The following DOP1B variants were observed in gnomAD, a reference collection of about 807,000 sequenced individuals.
DOP1B encodes protein DOP1B.
In DOP1B, 174 loss-of-function variants were observed where a neutral mutation model predicts 233.5. That is an observed-to-expected ratio of 0.75 (90% CI 0.66 to 0.85). DOP1B has a LOEUF of 0.85. Ranked by LOEUF, DOP1B falls within the 40% of genes least tolerant of loss-of-function variation. DOP1B has a pLI of 0.00. For missense variants in DOP1B, 2,652 were observed against 2,846.6 expected (o/e 0.93, Z 1.56); for synonymous variants, 1,190 against 1,185.6 (o/e 1.00, Z -0.08).
chr21:36,253,258 A>G (rs895448508), intron 22 of DOP1B, among the ~76,000 whole-genome samples: 1 of 152,122 alleles, frequency 6.6e-6, no homozygotes, highest in Non-Finnish European at 1.5e-5. Flanking sequence ...GTTTCCTTCA[A>G]ATTTAGTATA....
At chr21:36,205,760 C>A (rs1357987773) in intron 4 of DOP1B, among the ~76,000 whole-genome samples, 2 of 148,680 alleles carry the variant, frequency 1.3e-5, no homozygotes, top group Non-Finnish European at 3.0e-5. Context: ...AATTCCAGCA[C>A]TTTGGGAGGC....
chr21:36,205,432 A>G (rs903484121), intron 4 of DOP1B, among the ~76,000 whole-genome samples: 1 of 151,966 alleles, frequency 6.6e-6, no homozygotes, highest in African/African-American at 2.4e-5. Flanking sequence ...TCTGTTGCCC[A>G]GGCTGGAGTG....
rs368522256 is a variant in DOP1B, at chr21:36,231,153, G to A, written c.2350+19G>A. 162 of 1,557,954 alleles carry A rather than the reference G, an allele frequency of 1.0e-4. No individual in the cohort carries two copies. The highest frequency in any genetic ancestry group is 5.2e-4 in the South Asian group (43 of 82,996). On this transcript the variant is annotated intron_variant, in intron 14 of 36. Transcript: ENST00000691173. ...CTGCCAGGTGAGAGGCAGCCCTGCC[G>A]AAGTCCCTCTTTGGGAATCATACGA...
chr21:36,172,389 A>G (rs2835294), intron 2 of DOP1B, among the ~76,000 whole-genome samples: 6,596 of 152,296 alleles, frequency 0.043, 193 homozygotes, highest in Non-Finnish European at 0.064. Flanking sequence ...GCACATCTTG[A>G]TCAGCATCAG....
chr21:36,202,617 A>G (rs2066381613), intron 4 of DOP1B, among the ~76,000 whole-genome samples: 1 of 152,236 alleles, frequency 6.6e-6, no homozygotes, highest in Admixed American at 6.5e-5. Flanking sequence ...CGTGAGCTCT[A>G]TATCAGGACT....
intron 5 of DOP1B, 92 bp downstream of exon 5, chr21:36,208,996 A>G (rs1413143997): frequency 1.5e-6 from 2 of 1,331,392 alleles, no homozygotes; most frequent in Non-Finnish European, 2.0e-6. Flanking sequence ...CTGCAAAGGG[A>G]CATCCAGGAA....
rs1288864117 is a variant in DOP1B at position 36,169,000 on chromosome 21, T to C, written c.138+4129T>C. ...CTCCTTCTTCCTTTGCAATTCGGTCTTTCTCGAGTGGTCCCATGAATGCTT... is the reference window on the plus strand; with the variant it reads ...CTCCTTCTTCCTTTGCAATTCGGTCCTTCTCGAGTGGTCCCATGAATGCTT... On this transcript the variant is annotated intron_variant, in intron 2 of 36. Transcript: ENST00000691173. The C allele has an allele frequency of 5.2e-6, 4 of 768,954 alleles. No individual in the cohort carries two copies. In the East Asian group the frequency reaches 9.9e-5, roughly 19 times the overall value. 47.6% of individuals were successfully genotyped at this position (768,954 alleles called of 1,614,324 possible). A position where few individuals can be genotyped will look rare whatever the true frequency, so the allele number is the denominator to read the frequency against.
chr21:36,245,302 G>C lies in DOP1B; in HGVS notation c.3322G>C (p.Glu1108Gln), dbSNP rs376109953. 30 of 1,613,964 alleles carry C rather than the reference G, an allele frequency of 1.9e-5. No individual in the cohort carries two copies. Among genetic ancestry groups the C allele is most frequent in the African/African-American group, 5.3e-5 (4 of 74,930 alleles). ...GGCCCACGGCGCCCCGGACAGCAGC[G>C]AGCACACCGAGTCTGCAGATACAAG... ...RTAHGAPDSS[E>Q]HTESADTSSC... Residue 1108 changes from glutamate (E) to glutamine (Q), a missense_variant, in exon 19 of 37, where the codon GAG becomes CAG. Transcript: ENST00000691173. This position sits in a 1 kb window ranked among gnomAD's most constrained non-coding sequence, Gnocchi z 5.5.
intron 2 of DOP1B, among the ~76,000 whole-genome samples, chr21:36,172,007 TAGAC>T (rs1437101933): frequency 6.6e-6 from 1 of 152,154 alleles, no homozygotes; most frequent in Non-Finnish European, 1.5e-5. Flanking sequence ...AGTGCTATTT[TAGAC>T]AGAGAGGACA....
chr21:36,221,893 G>A (rs530675523), intron 10 of DOP1B, among the ~76,000 whole-genome samples: 7 of 152,206 alleles, frequency 4.6e-5, no homozygotes, highest in African/African-American at 1.7e-4. Context: ...TTGTTTTTGA[G>A]ACGGAGTCTC....
intron 23 of DOP1B, among the ~76,000 whole-genome samples, chr21:36,259,723 G>A (rs2067147774): frequency 6.6e-6 from 1 of 152,138 alleles, no homozygotes. Context: ...GAGCGAGTGT[G>A]TTTAGGTTGT....
Position 36,230,910 on chromosome 21 carries a change from C to T in DOP1B, c.2126C>T (p.Thr709Ile), listed in dbSNP as rs558674662. ...ACAGCACGAGGGTCTCCATTCAAGACAAAAAGTTCAGAGTCACCATCGTCT... is the reference window on the plus strand; with the variant it reads ...ACAGCACGAGGGTCTCCATTCAAGATAAAAAGTTCAGAGTCACCATCGTCT... ...LFTARGSPFK[T>I]KSSESPSSSP... The change falls in exon 14 of 37, where the codon ACA (threonine) becomes ATA (isoleucine). Residue 709 changes from threonine (T) to isoleucine (I), a missense_variant. By Grantham distance (89) the Thr-to-Ile change is moderately conservative. This residue lies in a region of DOP1B where 2,617 missense variants were observed against 2,794.3 expected (regional missense o/e 0.94). Transcript: ENST00000691173. The T allele has an allele frequency of 6.2e-7, 1 of 1,614,152 alleles. No homozygotes were observed. Among genetic ancestry groups the T allele is most frequent in the East Asian group, 2.2e-5 (1 of 44,882 alleles).
Position 36,246,339 on chromosome 21 carries a change from C to T in DOP1B, c.4359C>T (p.His1453=), listed in dbSNP as rs1409357644. The change falls in exon 19 of 37, where the codon CAC becomes CAT. Residue 1453 remains histidine, a synonymous_variant. Coordinates refer to ENST00000691173, the MANE Select transcript of DOP1B (RefSeq NM_001320714.2). This position sits in a 1 kb window ranked among gnomAD's most constrained non-coding sequence, Gnocchi z 5.1. ...KLLQVLIVLE[H]HLGRAHEEAE... is the part of the protein sequence containing the mutation. ...TGCAGGTGCTGATTGTCTTGGAACACCACCTGGGTCGGGCCCATGAGGAGG... is the reference window on the plus strand; with the variant it reads ...TGCAGGTGCTGATTGTCTTGGAACATCACCTGGGTCGGGCCCATGAGGAGG... 2 of 1,613,768 alleles carry T rather than the reference C, an allele frequency of 1.2e-6. No individual in the cohort carries two copies. Among genetic ancestry groups the T allele is most frequent in the African/African-American group, 1.3e-5 (1 of 74,938 alleles).
chr21:36,271,293 GT>G (rs2067285733), intron 27 of DOP1B, among the ~76,000 whole-genome samples: 1 of 130,496 alleles, frequency 7.7e-6, no homozygotes, highest in Admixed American at 7.1e-5. Context: ...CCAGGTTGGA[GT>G]TCACCCAGGT....
At chr21:36,288,294 G>C (rs185485616) in intron 33 of DOP1B, 144 bp downstream of exon 33, 2 of 753,144 alleles carry the variant, frequency 2.7e-6, no homozygotes, top group Middle Eastern at 3.9e-4. Context: ...TTAGCTCTTG[G>C]TTAAACAGAG....
At chr21:36,262,866 G>A (rs747013249) in intron 24 of DOP1B, among the ~76,000 whole-genome samples, 9 of 151,680 alleles carry the variant, frequency 5.9e-5, no homozygotes, top group Non-Finnish European at 1.3e-4. Context: ...ACTCCAGCCT[G>A]GGTGACAGAG....
At chr21:36,199,442 CTTTT>C (rs771744180) in intron 3 of DOP1B, among the ~76,000 whole-genome samples, 191 bp downstream of exon 3, 19 of 145,274 alleles carry the variant, frequency 1.3e-4, no homozygotes, top group Admixed American at 2.0e-4. Flanking sequence ...TGCTTTCTTT[CTTTT>C]TTTTTTTAAA....
intron 2 of DOP1B, among the ~76,000 whole-genome samples, chr21:36,195,061 C>G (rs913397498): frequency 6.6e-6 from 1 of 152,058 alleles, no homozygotes; most frequent in Admixed American, 6.6e-5. Context: ...ACCAAAGATG[C>G]TGGGCATGAT....
At position 36,231,080 on chromosome 21, in the gene DOP1B, T is replaced by C; in HGVS notation, c.2296T>C (p.Tyr766His). ...GCTGGATTGTGCCACTTTCCCTGTC[T>C]ACCTGTCCGAGGAAGAGACCGAGCA... Reference protein sequence around the residue: ...LLLDCATFPVYLSEEETEQLC... With the variant: ...LLLDCATFPVHLSEEETEQLC... The change falls in exon 14 of 37, where the codon TAC (tyrosine) becomes CAC (histidine). Residue 766 changes from tyrosine to histidine, a missense_variant. Physicochemically the swap from Tyr to His is moderately conservative, Grantham distance 83 (BLOSUM62 2). This residue lies in a region of DOP1B where 2,617 missense variants were observed against 2,794.3 expected (regional missense o/e 0.94). Transcript: ENST00000691173. The C allele has an allele frequency of 6.2e-7, 1 of 1,613,182 alleles. No individual in the cohort carries two copies. The highest frequency in any genetic ancestry group is 1.3e-5 in the African/African-American group (1 of 75,014).
Sources: allele counts gnomAD v4.1 joint callset (sites outside exome capture counted in the v4.1 genomes callset), GRCh38; gene constraint gnomAD v4.1.1; regional missense constraint gnomAD v4.1.1; non-coding constraint Gnocchi (gnomAD v3.1); transcripts MANE v1.5; gene names NCBI Gene and HGNC (gene_info 2026-07-23, HGNC 2026-07-21).